Variants in RNF220 observed in about 807,000 individuals in gnomAD.
RNF220 encodes ring finger protein 220, also known as E3 ubiquitin-protein ligase RNF220.
RNF220 carries 7 observed loss-of-function variants against 67.1 expected under a neutral mutation model. That is an observed-to-expected ratio of 0.10 (90% CI 0.06 to 0.20). The LOEUF is 0.20. Ranked by LOEUF, RNF220 falls within the 10% of genes least tolerant of loss-of-function variation. The pLI is 1.00. For synonymous variants in RNF220, 270 were observed against 283.2 expected (o/e 0.95, Z 0.47); for missense variants, 565 against 740.3 (o/e 0.76, Z 2.75).
At chr1:44,559,967 GC>G (rs534803496) in intron 2 of RNF220, among the ~76,000 whole-genome samples, 1 of 152,152 alleles carries the variant, frequency 6.6e-6, no homozygotes, top group African/African-American at 2.4e-5. Context: ...CTTGCCAAGG[GC>G]CCCCCTCAGC....
chr1:44,518,791 C>T (rs1230400291), intron 2 of RNF220, among the ~76,000 whole-genome samples: 1 of 151,796 alleles, frequency 6.6e-6, no homozygotes, highest in East Asian at 1.9e-4. Context: ...AGGAGAATGG[C>T]GTGAACCCGG....
At chr1:44,428,995 TAAGTA>T (rs138479559) in intron 2 of RNF220, among the ~76,000 whole-genome samples, 11,712 of 152,050 alleles carry the variant, frequency 0.077, 587 homozygotes, top group African/African-American at 0.15. Flanking sequence ...GTGATGAAAT[TAAGTA>T]AAGAACTCTT....
chr1:44,466,721 G>A (rs186629356), intron 2 of RNF220, among the ~76,000 whole-genome samples: 93 of 152,284 alleles, frequency 6.1e-4, no homozygotes, highest in Admixed American at 2.4e-3. Flanking sequence ...TATTTTGATA[G>A]GAATCTTTTT....
At chr1:44,548,784 G>A (rs181177709) in intron 2 of RNF220, among the ~76,000 whole-genome samples, 327 of 152,208 alleles carry the variant, frequency 2.1e-3, no homozygotes, top group African/African-American at 7.3e-3. Context: ...GAGCCACTGC[G>A]CCCAGCCTCA....
chr1:44,491,642 A>G (rs1254189294), intron 2 of RNF220, among the ~76,000 whole-genome samples: 1 of 152,032 alleles, frequency 6.6e-6, no homozygotes, highest in Non-Finnish European at 1.5e-5. Flanking sequence ...AAGATCAGGA[A>G]CAAGACAAGG....
At chr1:44,562,301 G>T (rs1203310703) in intron 2 of RNF220, among the ~76,000 whole-genome samples, 4 of 152,170 alleles carry the variant, frequency 2.6e-5, no homozygotes, top group Non-Finnish European at 5.9e-5. Context: ...TTGTCCAGGG[G>T]GACCCGGAGC....
chr1:44,632,254 G>A (rs754659802), intron 5 of RNF220, 89 bp from the exon 6 acceptor site: 7 of 1,613,524 alleles, frequency 4.3e-6, no homozygotes, highest in Non-Finnish European at 8.5e-7. Flanking sequence ...CTTTGGTCGG[G>A]GGTCCGGTGC....
intron 2 of RNF220, among the ~76,000 whole-genome samples, chr1:44,446,560 C>CTTT (rs1286586874): frequency 2.9e-5 from 4 of 137,302 alleles, no homozygotes; most frequent in African/African-American, 8.0e-5. Context: ...TTGGAGTAAC[C>CTTT]TTTTTTTTTT....
chr1:44,625,494 A>G (rs57618636), intron 4 of RNF220, among the ~76,000 whole-genome samples: 7,178 of 152,148 alleles, frequency 0.047, 586 homozygotes, highest in African/African-American at 0.17. Context: ...GCGATTTGGC[A>G]TGGTTTTCTA....
intron 2 of RNF220, among the ~76,000 whole-genome samples, chr1:44,604,092 G>A (rs567349575): frequency 6.6e-6 from 1 of 152,376 alleles, no homozygotes; most frequent in African/African-American, 2.4e-5. Flanking sequence ...GCATGAGAGA[G>A]AGTGAAGTGT....
intron 2 of RNF220, among the ~76,000 whole-genome samples, chr1:44,487,411 GAAGT>G (rs146523903): frequency 0.022 from 3,377 of 151,774 alleles, 149 homozygotes; most frequent in African/African-American, 0.078. Context: ...TGCTGCAACA[GAAGT>G]AAGGACTATA....
intron 2 of RNF220, among the ~76,000 whole-genome samples, chr1:44,509,795 G>A (rs1230873560): frequency 2.1e-5 from 3 of 140,864 alleles, no homozygotes; most frequent in South Asian, 2.4e-4. Flanking sequence ...GCTAAGGCAC[G>A]AGAATTGCTT....
At chr1:44,619,515 G>A (rs1396852858) in intron 3 of RNF220, among the ~76,000 whole-genome samples, 5 of 152,312 alleles carry the variant, frequency 3.3e-5, no homozygotes, top group South Asian at 2.1e-4. Flanking sequence ...GTTTATTCCC[G>A]GGCAGTGCAC....
chr1:44,639,083 G>C (rs1031991369), intron 8 of RNF220, among the ~76,000 whole-genome samples: 4 of 152,232 alleles, frequency 2.6e-5, no homozygotes, highest in Admixed American at 2.6e-4. Context: ...TCCGCAGTTA[G>C]GGAGAAAAGA....
Position 44,622,568 on chromosome 1 carries a change from G to A in RNF220, c.759-174G>A, listed in dbSNP as rs1186811802. Among the ~76,000 whole-genome samples the A allele has an allele frequency of 6.6e-6, 1 of 152,234 alleles. No homozygotes were observed. Among genetic ancestry groups the A allele is most frequent in the African/African-American group, 2.4e-5 (1 of 41,450 alleles). The stretch of plus-strand genomic sequence containing the variant: ...CCCAAGAGAGAGGCTGAGCCACTCA[G>A]CCCATGAGAGAGGCTGGGCCACTGG... On this transcript the variant is annotated intron_variant, in intron 3 of 14. Transcript: ENST00000361799. The surrounding 1 kb of genome is among the most constrained non-coding windows in gnomAD (Gnocchi z 4.3).
chr1:44,611,726 T>C (rs1643320071), intron 2 of RNF220, among the ~76,000 whole-genome samples: 1 of 152,172 alleles, frequency 6.6e-6, no homozygotes, highest in Non-Finnish European at 1.5e-5. Context: ...GGCTCTCTTT[T>C]TGCCTTTCCT....
At chr1:44,646,442 G>A (rs3768441) in intron 12 of RNF220, among the ~76,000 whole-genome samples, 2,177 of 152,398 alleles carry the variant, frequency 0.014, 73 homozygotes, top group Admixed American at 0.066. Context: ...ATGAATCACC[G>A]CAGCTGCTCC....
At chr1:44,442,130 CT>C (rs939519805) in intron 2 of RNF220, among the ~76,000 whole-genome samples, 5 of 151,590 alleles carry the variant, frequency 3.3e-5, no homozygotes, top group African/African-American at 4.8e-5. Context: ...AAAGACATTT[CT>C]TTTTTTTTCT....
intron 2 of RNF220, among the ~76,000 whole-genome samples, chr1:44,539,145 C>T (rs1004478952): frequency 2.0e-5 from 3 of 152,008 alleles, no homozygotes; most frequent in African/African-American, 4.8e-5. Context: ...CACTTGAACC[C>T]GGGATGCGAA....
Sources: gnomAD v4.1 joint callset for allele counts (sites outside exome capture counted in the v4.1 genomes callset) on GRCh38, gnomAD v4.1.1 for gene constraint, Gnocchi (gnomAD v3.1) non-coding constraint, MANE v1.5 for transcripts, NCBI Gene and HGNC (gene_info 2026-07-23, HGNC 2026-07-21) for gene names.